The following RYR2 variants were observed in gnomAD, a reference collection of about 807,000 sequenced individuals.
The protein encoded by RYR2 is ryanodine receptor 2, also known as cardiac muscle ryanodine receptor-calcium release channel.
RYR2 carries 227 observed loss-of-function variants against 601.1 expected under a neutral mutation model. The observed-to-expected ratio is 0.38, with a 90% CI of 0.34 to 0.42. The LOEUF is 0.42. RYR2 is among the 10% of genes least tolerant of loss of function. RYR2 has a pLI of 1.00. For missense variants in RYR2, 4,646 were observed against 6,156.5 expected, an observed-to-expected ratio of 0.75 and a Z score of 8.21; for synonymous variants, 2,223 against 2,175.1, an observed-to-expected ratio of 1.02 and a Z score of -0.61.
At chr1:237,657,333 TTATG>T (rs1217119250) in intron 53 of RYR2, among the ~76,000 whole-genome samples, 1 of 152,070 alleles carries the variant, frequency 6.6e-6, no homozygotes, top group Non-Finnish European at 1.5e-5. Flanking sequence ...ATGAATAGAA[TTATG>T]TATGTATGTA....
intron 10 of RYR2, among the ~76,000 whole-genome samples, chr1:237,389,635 C>A (rs1478616212): frequency 6.6e-6 from 1 of 152,152 alleles, no homozygotes; most frequent in Non-Finnish European, 1.5e-5. Flanking sequence ...TAGACACAGG[C>A]TGTGAGAGAA....
chr1:237,687,418 C>T (rs1686519808), intron 62 of RYR2, 37 bp from the exon 63 acceptor site: 2 of 1,146,548 alleles, frequency 1.7e-6, no homozygotes, highest in East Asian at 2.5e-5. Flanking sequence ...TTCCCTTCCC[C>T]CTTCCCTTTT....
At chr1:237,484,875 G>A (rs191913567) in intron 17 of RYR2, among the ~76,000 whole-genome samples, 1 of 152,098 alleles carries the variant, frequency 6.6e-6, no homozygotes, top group South Asian at 2.1e-4. Flanking sequence ...ATACCATTAA[G>A]TTATTTCTAG....
intron 1 of RYR2, among the ~76,000 whole-genome samples, chr1:237,264,189 C>G (rs143478134): frequency 6.6e-5 from 10 of 152,232 alleles, no homozygotes; most frequent in African/African-American, 2.4e-4. Flanking sequence ...CTTCCACTGT[C>G]GCCACCCCTG....
chr1:237,202,098 T>TA (rs1238037063), intron 1 of RYR2, among the ~76,000 whole-genome samples: 1 of 152,194 alleles, frequency 6.6e-6, no homozygotes, highest in Non-Finnish European at 1.5e-5. Context: ...TGCTATTTGT[T>TA]ACTATGAATT....
At chr1:237,245,650 A>G (rs1025244027) in intron 1 of RYR2, among the ~76,000 whole-genome samples, 2 of 152,246 alleles carry the variant, frequency 1.3e-5, no homozygotes, top group Non-Finnish European at 2.9e-5. Context: ...CATGTTGATT[A>G]CAGAGGATTT....
intron 32 of RYR2, 74 bp from the exon 33 acceptor site, chr1:237,593,402 A>G: frequency 1.4e-6 from 2 of 1,441,874 alleles, no homozygotes; most frequent in Middle Eastern, 1.8e-4. Flanking sequence ...ACTTAGACAC[A>G]GTTAGGATTG....
intron 67 of RYR2, 112 bp from the exon 68 acceptor site, chr1:237,706,837 C>A: frequency 2.4e-6 from 2 of 843,726 alleles, no homozygotes; most frequent in Non-Finnish European, 3.9e-6. Context: ...TGCAGGCATG[C>A]CACGTCTTGC....
intron 87 of RYR2, among the ~76,000 whole-genome samples, chr1:237,775,517 T>C (rs1474165812): frequency 1.3e-5 from 2 of 152,160 alleles, no homozygotes; most frequent in African/African-American, 4.8e-5. Context: ...TTCGTGCTGC[T>C]TCTGGACTGC....
chr1:237,285,319 G>A (rs552914401), intron 2 of RYR2, among the ~76,000 whole-genome samples: 5 of 152,154 alleles, frequency 3.3e-5, no homozygotes, highest in South Asian at 2.1e-4. Flanking sequence ...TGTTTATATG[G>A]TATATCACAT....
chr1:237,137,648 C>G (rs1022061451), intron 1 of RYR2, among the ~76,000 whole-genome samples: 1 of 152,082 alleles, frequency 6.6e-6, no homozygotes, highest in African/African-American at 2.4e-5. Flanking sequence ...ATAAGATGTG[C>G]GACGTGGCAT....
At chr1:237,620,263 G>T (rs1172020884) in intron 38 of RYR2, among the ~76,000 whole-genome samples, 1 of 152,082 alleles carries the variant, frequency 6.6e-6, no homozygotes, top group South Asian at 2.1e-4. Context: ...CTGGTGCACC[G>T]TCAATACCAG....
chr1:237,081,279 A>G (rs199624022), intron 1 of RYR2, among the ~76,000 whole-genome samples: 15 of 106,038 alleles, frequency 1.4e-4, no homozygotes, highest in African/African-American at 5.8e-4. Context: ...TTAGAGTATA[A>G]TAAAAAAAAA....
At chr1:237,374,882 G>T in intron 7 of RYR2, 87 bp downstream of exon 7, 5 of 988,294 alleles carry the variant, frequency 5.1e-6, no homozygotes, top group Non-Finnish European at 6.2e-6. Context: ...CGATACATGG[G>T]ATGAATGTTC....
chr1:237,354,713 CAA>C lies in RYR2; in HGVS notation c.274-1251_274-1250del, dbSNP rs1225276761. On this transcript the variant is annotated intron_variant, in intron 3 of 104. Transcript: ENST00000366574. ...AAAGGAGATCTTCAGCTTTATCTAA[CAA>C]GAAAATATCTTGAAAAATGTATAGT... Among the ~76,000 whole-genome samples the C allele has an allele frequency of 1.2e-4, 18 of 152,124 alleles. No individual in the cohort carries two copies. In the East Asian group the frequency reaches 3.5e-3, roughly 29 times the overall value.
At chr1:237,741,945 T>C (rs1186261547) in intron 79 of RYR2, among the ~76,000 whole-genome samples, 1 of 152,148 alleles carries the variant, frequency 6.6e-6, no homozygotes, top group Non-Finnish European at 1.5e-5. Flanking sequence ...ATTCGTGCAT[T>C]GCAATGGCAG....
intron 10 of RYR2, among the ~76,000 whole-genome samples, chr1:237,389,141 A>G (rs564174102): frequency 6.6e-6 from 1 of 152,294 alleles, no homozygotes; most frequent in African/African-American, 2.4e-5. Flanking sequence ...TGCCTCTTTC[A>G]GTAGGTTTAG....
At chr1:237,159,446 A>G (rs1274310290) in intron 1 of RYR2, among the ~76,000 whole-genome samples, 1 of 152,232 alleles carries the variant, frequency 6.6e-6, no homozygotes, top group Non-Finnish European at 1.5e-5. Flanking sequence ...ACATGTGTGT[A>G]GAAAAAGGCT....
At chr1:237,062,316 C>T (rs1662981332) in intron 1 of RYR2, among the ~76,000 whole-genome samples, 1 of 152,124 alleles carries the variant, frequency 6.6e-6, no homozygotes, top group South Asian at 2.1e-4. Flanking sequence ...TCTGTAGACC[C>T]GTTTGAGAAG....
Sources: allele counts gnomAD v4.1 joint callset (sites outside exome capture counted in the v4.1 genomes callset), GRCh38; gene constraint gnomAD v4.1.1; transcripts MANE v1.5; gene names NCBI Gene and HGNC (gene_info 2026-07-23, HGNC 2026-07-21).